The following FBXL17 variants were observed in gnomAD, a reference collection of about 807,000 sequenced individuals.
The protein encoded by FBXL17 is F-box and leucine rich repeat protein 17, also known as F-box/LRR-repeat protein 17.
Under a neutral mutation model 66.2 loss-of-function variants are expected in FBXL17, and 22 were observed. The observed-to-expected ratio is 0.33, with a 90% confidence interval of 0.24 to 0.47. The LOEUF (loss-of-function observed/expected upper bound fraction) is 0.47. Ranked by LOEUF, FBXL17 falls within the 20% of genes least tolerant of loss-of-function variation. The probability of loss-of-function intolerance (pLI) is 1.00; values close to 1 mark genes in which losing one functional copy is unlikely to be tolerated. For synonymous variants in FBXL17, 474 were observed against 400.5 expected, an observed-to-expected ratio of 1.18 and a Z score of -2.19; for missense variants, 878 against 948.2, an observed-to-expected ratio of 0.93 and a Z score of 0.97.
chr5:108,087,881 C>A (rs919170503), intron 6 of FBXL17, among the ~76,000 whole-genome samples: 2 of 152,084 alleles, frequency 1.3e-5, no homozygotes, highest in African/African-American at 4.8e-5. Flanking sequence ...TGCTGGAAAC[C>A]TACTTAAAAT....
intron 5 of FBXL17, among the ~76,000 whole-genome samples, chr5:108,191,597 G>C (rs1233505716): frequency 2.0e-5 from 3 of 152,208 alleles, no homozygotes; most frequent in African/African-American, 7.2e-5. Context: ...ATACTTGATA[G>C]AGAGATGTTG....
chr5:108,247,167 G>C (rs377299047), intron 4 of FBXL17, among the ~76,000 whole-genome samples: 18 of 152,254 alleles, frequency 1.2e-4, no homozygotes, highest in African/African-American at 4.1e-4. Context: ...ATGCTAAAAC[G>C]ATTATGTAAA....
chr5:108,121,705 C>T (rs1293743451), intron 6 of FBXL17, among the ~76,000 whole-genome samples: 2 of 151,970 alleles, frequency 1.3e-5, no homozygotes, highest in African/African-American at 2.4e-5. Flanking sequence ...TACAGGCACC[C>T]GCCACCACGC....
chr5:108,206,502 C>T (rs12163950), intron 5 of FBXL17, among the ~76,000 whole-genome samples: 6,568 of 152,198 alleles, frequency 0.043, 771 homozygotes, highest in East Asian at 0.39. Context: ...CCCCCAAAGT[C>T]GTCACATGCT....
At chr5:107,982,637 T>A (rs547579800) in intron 7 of FBXL17, among the ~76,000 whole-genome samples, 1 of 152,332 alleles carries the variant, frequency 6.6e-6, no homozygotes, top group East Asian at 1.9e-4. Flanking sequence ...CCAAGAGTTC[T>A]ATAAACCATT....
chr5:107,931,290 A>G (rs1375646970), intron 7 of FBXL17, among the ~76,000 whole-genome samples: 1 of 140,800 alleles, frequency 7.1e-6, no homozygotes, highest in Non-Finnish European at 1.5e-5. Flanking sequence ...ACAGGGTCTC[A>G]CTGTCATTGC....
At chr5:108,301,940 G>T in intron 4 of FBXL17, 1 of 692,782 alleles carries the variant, frequency 1.4e-6, no homozygotes, top group Non-Finnish European at 1.8e-6. Flanking sequence ...TATATGTATT[G>T]ATAAGCTATA....
chr5:108,017,706 G>C (rs552686795), intron 7 of FBXL17, among the ~76,000 whole-genome samples: 1 of 152,098 alleles, frequency 6.6e-6, no homozygotes, highest in Non-Finnish European at 1.5e-5. Flanking sequence ...ACATACATTT[G>C]TTCAGTGATA....
chr5:108,062,593 TTAAATATA>T (rs1296803159), intron 6 of FBXL17, among the ~76,000 whole-genome samples: 3 of 152,162 alleles, frequency 2.0e-5, no homozygotes, highest in African/African-American at 4.8e-5. Context: ...AGGAAACATA[TTAAATATA>T]TAAACTTCCT....
At chr5:108,258,900 C>CTAAACATAA (rs1168882123) in intron 4 of FBXL17, among the ~76,000 whole-genome samples, 1 of 151,816 alleles carries the variant, frequency 6.6e-6, no homozygotes, top group East Asian at 1.9e-4. Flanking sequence ...AATAGAAAAA[C>CTAAACATAA]TAAACATAAT....
intron 7 of FBXL17, among the ~76,000 whole-genome samples, chr5:107,995,632 T>G (rs1753441121): frequency 6.6e-6 from 1 of 152,184 alleles, no homozygotes; most frequent in African/African-American, 2.4e-5. Flanking sequence ...TATAAATTAT[T>G]CAGTATATTT....
chr5:107,900,759 C>T (rs1023268209), intron 7 of FBXL17, among the ~76,000 whole-genome samples: 26 of 152,070 alleles, frequency 1.7e-4, no homozygotes, highest in African/African-American at 6.0e-4. Context: ...ATTGAAGCTC[C>T]TAATATAGTA....
rs1002902452 is a variant in FBXL17 at position 108,143,142 on chromosome 5, G to A, written c.1745+42975C>T. Among the ~76,000 whole-genome samples, 15 of 151,892 alleles carry A rather than the reference G, an allele frequency of 9.9e-5. No homozygotes were observed. The East Asian group carries it at 2.3e-3, about 24-fold the overall frequency. On this transcript the variant is annotated intron_variant, in intron 6 of 8. Coordinates refer to ENST00000542267, the MANE Select transcript of FBXL17 (RefSeq NM_001163315.3). ...CTGAAACCAACCGCTCCCCGACCCCGAGTCCACGGAAGAACTGTCTTCCAC... is the reference window on the plus strand; with the variant it reads ...CTGAAACCAACCGCTCCCCGACCCCAAGTCCACGGAAGAACTGTCTTCCAC...
At chr5:107,961,400 A>AT (rs1751903774) in intron 7 of FBXL17, among the ~76,000 whole-genome samples, 1 of 150,758 alleles carries the variant, frequency 6.6e-6, no homozygotes. Flanking sequence ...AATTTTTGTA[A>AT]TTTTTTTGGT....
At chr5:108,044,963 T>G (rs1025560620) in intron 6 of FBXL17, among the ~76,000 whole-genome samples, 1 of 152,190 alleles carries the variant, frequency 6.6e-6, no homozygotes, top group African/African-American at 2.4e-5. Flanking sequence ...TCTTTCCATG[T>G]GTGCAAGGTC....
chr5:108,353,416 G>A (rs35959276), intron 3 of FBXL17, among the ~76,000 whole-genome samples: 42,432 of 151,958 alleles, frequency 0.28, 6,502 homozygotes, highest in Middle Eastern at 0.37. Flanking sequence ...AAATTCCAGG[G>A]GGACCAGGTT....
intron 6 of FBXL17, among the ~76,000 whole-genome samples, chr5:108,080,128 A>C (rs1481149627): frequency 1.3e-5 from 2 of 152,366 alleles, no homozygotes; most frequent in South Asian, 4.1e-4. Flanking sequence ...ATGGAAACCC[A>C]TGAATATGAG....
At chr5:107,984,320 A>C (rs1291159171) in intron 7 of FBXL17, among the ~76,000 whole-genome samples, 1 of 152,240 alleles carries the variant, frequency 6.6e-6, no homozygotes, top group Non-Finnish European at 1.5e-5. Flanking sequence ...AATTTGTAAC[A>C]TAAATTGTAC....
At chr5:108,020,738 G>T in intron 7 of FBXL17, 187 bp downstream of exon 7, 1 of 493,432 alleles carries the variant, frequency 2.0e-6, no homozygotes, top group Non-Finnish European at 3.7e-6. Flanking sequence ...GAAGTAATAT[G>T]CATATTCATT....
Sources: gnomAD v4.1 joint callset for allele counts (sites outside exome capture counted in the v4.1 genomes callset) on GRCh38, gnomAD v4.1.1 for gene constraint, MANE v1.5 for transcripts, NCBI Gene and HGNC (gene_info 2026-07-23, HGNC 2026-07-21) for gene names.